Variants in ALX4 observed in about 807,000 individuals in gnomAD.
ALX4 encodes homeobox protein aristaless-like 4.
ALX4 carries 22 observed loss-of-function variants against 40.6 expected under a neutral mutation model. The observed-to-expected ratio is 0.54, with a 90% confidence interval of 0.39 to 0.77. The LOEUF is 0.77. Among genes scored for constraint, ALX4 ranks in the 30% least tolerant of loss-of-function variants. The pLI is 0.00. For missense variants in ALX4, 556 were observed against 564.8 expected (o/e 0.98, Z 0.16); for synonymous variants, 266 against 240.5 (o/e 1.11, Z -0.98).
At chr11:44,268,145 C>T (rs1956224096) in intron 2 of ALX4, among the ~76,000 whole-genome samples, 1 of 152,174 alleles carries the variant, frequency 6.6e-6, no homozygotes, top group Non-Finnish European at 1.5e-5. Flanking sequence ...TCTCCCAGCT[C>T]AGAACTCCCC....
chr11:44,307,695 C>T lies in ALX4; in HGVS notation c.466+1902G>A, dbSNP rs184817111. Among the ~76,000 whole-genome samples, 17 of 152,328 alleles carry T rather than the reference C, an allele frequency of 1.1e-4. No individual in the cohort carries two copies. In the East Asian group the frequency reaches 1.2e-3, roughly 10 times the overall value. Reference sequence around the variant, plus strand: ...ACCTAATAGTCCTGAATGACAGGGACGAGCTGGGGCCTGCATCCCTGGGCT... The same window carrying T: ...ACCTAATAGTCCTGAATGACAGGGATGAGCTGGGGCCTGCATCCCTGGGCT... On this transcript the variant is annotated intron_variant, in intron 1 of 3. Coordinates refer to ENST00000652299, the MANE Select transcript of ALX4 (RefSeq NM_021926.4).
intron 1 of ALX4, among the ~76,000 whole-genome samples, chr11:44,299,290 C>A (rs771305381): frequency 2.0e-5 from 3 of 151,900 alleles, no homozygotes; most frequent in Non-Finnish European, 4.4e-5. Context: ...GAAATTTACT[C>A]CTGACACTAC....
intron 1 of ALX4, among the ~76,000 whole-genome samples, chr11:44,291,671 G>A (rs1301879023): frequency 5.9e-5 from 9 of 152,250 alleles, no homozygotes; most frequent in Middle Eastern, 3.4e-3. Context: ...CTCCCGAAGT[G>A]CTAGGATTAC....
At chr11:44,272,330 C>G (rs180765446) in intron 2 of ALX4, among the ~76,000 whole-genome samples, 2 of 151,848 alleles carry the variant, frequency 1.3e-5, no homozygotes, top group African/African-American at 2.4e-5. Context: ...ATGGTGAAAC[C>G]CCATCTCTAT....
intron 1 of ALX4, among the ~76,000 whole-genome samples, chr11:44,306,343 G>A (rs892963917): frequency 3.9e-5 from 6 of 152,240 alleles, no homozygotes; most frequent in African/African-American, 1.4e-4. Context: ...GACCCGGCCA[G>A]CAGAGACTGG....
rs145743345 is a variant in ALX4, at chr11:44,285,328, C to T, written c.467-9670G>A. Among the ~76,000 whole-genome samples, 891 of 152,348 alleles carry T rather than the reference C, an allele frequency of 5.8e-3. 8 individuals are homozygous for T. The highest frequency in any genetic ancestry group is 0.02 in the African/African-American group (817 of 41,566). ...CCTTTCCATGCTGTTCTATATTCTT[C>T]TACCACACCATCCTTAATGGTTACG... is the stretch of plus-strand genomic sequence containing the variant. On this transcript the variant is annotated intron_variant, in intron 1 of 3. Coordinates refer to ENST00000652299, the MANE Select transcript of ALX4 (RefSeq NM_021926.4).
intron 1 of ALX4, among the ~76,000 whole-genome samples, chr11:44,301,779 A>C (rs1441108921): frequency 1.3e-5 from 2 of 152,146 alleles, no homozygotes. Flanking sequence ...GTGGGGGTCC[A>C]TTTCCCCTTG....
chr11:44,292,136 C>T (rs990176667), intron 1 of ALX4, among the ~76,000 whole-genome samples: 1 of 152,044 alleles, frequency 6.6e-6, no homozygotes, highest in African/African-American at 2.4e-5. Flanking sequence ...TCATTCCAAT[C>T]TAGAGAATCA....
intron 2 of ALX4, among the ~76,000 whole-genome samples, chr11:44,274,718 T>C (rs1268696359): frequency 1.3e-5 from 2 of 152,148 alleles, no homozygotes; most frequent in Non-Finnish European, 2.9e-5. Context: ...TTGTGTTCTG[T>C]TGGGTTGCAA....
chr11:44,298,944 C>A (rs1260423894), intron 1 of ALX4, among the ~76,000 whole-genome samples: 1 of 152,168 alleles, frequency 6.6e-6, no homozygotes, highest in African/African-American at 2.4e-5. Flanking sequence ...TGTAAGATCC[C>A]TTCATTCATT....
intron 1 of ALX4, among the ~76,000 whole-genome samples, chr11:44,298,572 G>C (rs1335906940): frequency 6.6e-6 from 1 of 152,190 alleles, no homozygotes; most frequent in Admixed American, 6.5e-5. Context: ...GGAGACCTGA[G>C]GAGGAGAGTT....
At chr11:44,295,139 C>A (rs1398247232) in intron 1 of ALX4, among the ~76,000 whole-genome samples, 1 of 152,192 alleles carries the variant, frequency 6.6e-6, no homozygotes, top group African/African-American at 2.4e-5. Flanking sequence ...ATGTGAGCAA[C>A]CACACCTGGC....
chr11:44,284,225 G>A (rs1187948357), intron 1 of ALX4, among the ~76,000 whole-genome samples: 3 of 151,104 alleles, frequency 2.0e-5, no homozygotes, highest in Admixed American at 6.6e-5. Context: ...TTTGGGGGGC[G>A]GGGCGGGGCT....
In ALX4 at chr11:44,309,671, G is replaced by A. The variant is rs776145976; in HGVS notation, c.392C>T (p.Thr131Met). ...HLYLQRGACK[T>M]PPDGSLKLQE... ...GAGTTTGAGGCTGCCGTCCGGGGGC[G>A]TCTTGCAGGCGCCTCGCTGCAAGTA... The change falls in exon 1 of 4, where the codon ACG becomes ATG. Residue 131 changes from threonine to methionine, a missense_variant. Coordinates refer to ENST00000652299, the MANE Select transcript of ALX4 (RefSeq NM_021926.4). The A allele has an allele frequency of 6.3e-7, 1 of 1,591,752 alleles. No individual in the cohort carries two copies. Among genetic ancestry groups the A allele is most frequent in the Non-Finnish European group, 8.5e-7 (1 of 1,173,480 alleles).
At chr11:44,302,584 T>C (rs1956440913) in intron 1 of ALX4, among the ~76,000 whole-genome samples, 1 of 152,188 alleles carries the variant, frequency 6.6e-6, no homozygotes, top group East Asian at 1.9e-4. Context: ...AGGTGCTCCA[T>C]AAATACTGGG....
intron 2 of ALX4, among the ~76,000 whole-genome samples, chr11:44,271,495 C>T (rs1200720421): frequency 1.3e-5 from 2 of 152,330 alleles, no homozygotes; most frequent in Non-Finnish European, 2.9e-5. Context: ...ATAAGATATG[C>T]AGCACGTCAG....
chr11:44,281,524 C>T (rs1425117562), intron 1 of ALX4, among the ~76,000 whole-genome samples: 2 of 151,980 alleles, frequency 1.3e-5, no homozygotes, highest in Non-Finnish European at 2.9e-5. Context: ...GGGGGACATG[C>T]CGCTTGCTCT....
In ALX4 at chr11:44,293,168, G is replaced by GC. The variant is rs1565007542; in HGVS notation, c.466+16428_466+16429insG. ...GGAAGGAAGGAAGGAAGGAAGGAAG[G>GC]AAGCAGGCAGGCAGGGAGGGAGGGA... On this transcript the variant is annotated intron_variant, in intron 1 of 3. Transcript: ENST00000652299. Among the ~76,000 whole-genome samples the GC allele has an allele frequency of 2.5e-3, 24 of 9,550 alleles. 2 individuals carry two copies. The highest frequency in any genetic ancestry group is 4.7e-3 in the Non-Finnish European group (22 of 4,712). The allele number at this position is 9,550 out of a possible 152,430, so 6.3% of individuals were successfully genotyped here.
intron 1 of ALX4, among the ~76,000 whole-genome samples, chr11:44,288,718 T>A (rs112335493): frequency 1.9e-4 from 29 of 152,304 alleles, no homozygotes; most frequent in African/African-American, 6.7e-4. Context: ...TTTAAGCAGC[T>A]CTTCTGAGAG....
Sources: allele counts gnomAD v4.1 joint callset (sites outside exome capture counted in the v4.1 genomes callset), GRCh38; gene constraint gnomAD v4.1.1; transcripts MANE v1.5; gene names NCBI Gene and HGNC (gene_info 2026-07-23, HGNC 2026-07-21).